The following SVIL variants were observed in gnomAD, a reference collection of about 807,000 sequenced individuals.
SVIL encodes the protein supervillin.
A neutral mutation model predicts 240.4 loss-of-function variants in SVIL; 101 were observed. That is an observed-to-expected ratio of 0.42 (90% confidence interval 0.36 to 0.50). The LOEUF is 0.50. SVIL is among the 20% of genes least tolerant of loss of function. The probability of loss-of-function intolerance (pLI) is 0.01; values close to 1 mark genes in which losing one functional copy is unlikely to be tolerated. For synonymous variants in SVIL, 999 were observed against 1,100.0 expected (o/e 0.91, Z 1.82); for missense variants, 2,512 against 2,818.7 (o/e 0.89, Z 2.46).
chr10:29,530,054 G>C (rs980246099), intron 11 of SVIL, among the ~76,000 whole-genome samples: 2 of 152,090 alleles, frequency 1.3e-5, no homozygotes, highest in Non-Finnish European at 2.9e-5. Context: ...CAGGCCTGTA[G>C]TCCCAGCTAC....
chr10:29,539,446 A>C (rs1257585786), intron 6 of SVIL, among the ~76,000 whole-genome samples: 1 of 152,194 alleles, frequency 6.6e-6, no homozygotes, highest in Non-Finnish European at 1.5e-5. Flanking sequence ...GTGATCTAGA[A>C]AAGCATTTCT....
rs1265951764 is a variant in SVIL at position 29,678,599 on chromosome 10, A to C, written c.-301+7954T>G. 2.0e-5 allele frequency among the ~76,000 whole-genome samples: 3 copies of C among 152,226 alleles called. No homozygotes were observed. The East Asian group carries it at 5.8e-4, about 29-fold the overall frequency. On this transcript the variant is annotated intron_variant, in intron 2 of 35. Transcript: ENST00000375400. Reference sequence around the variant, plus strand: ...GACCCTGCTCTAGAATCTTGCTAGAAACCCTGCATCTGTGAATGGCAGGTG... The same window carrying C: ...GACCCTGCTCTAGAATCTTGCTAGACACCCTGCATCTGTGAATGGCAGGTG...
rs1163685287 is a variant in SVIL, at chr10:29,462,298, G to A, written c.6381C>T (p.Asp2127=). 1 of 1,614,086 alleles carries A rather than the reference G, an allele frequency of 6.2e-7. No individual in the cohort carries two copies. Among genetic ancestry groups the A allele is most frequent in the Non-Finnish European group, 8.5e-7 (1 of 1,180,030 alleles). ...NMFPSWEHRE[D]IAEITEMDTE... is the part of the protein sequence containing the mutation. ...TCACCATCTCTGTGATCTCAGCGATGTCCTCTCTGTGCTCCCAGCTGGGAA... is the reference window on the plus strand; with the variant it reads ...TCACCATCTCTGTGATCTCAGCGATATCCTCTCTGTGCTCCCAGCTGGGAA... Residue 2127 remains aspartate (D), a synonymous_variant, in exon 36 of 38, where the codon GAC becomes GAT. Coordinates refer to ENST00000355867, the MANE Select transcript of SVIL (RefSeq NM_021738.3).
rs1951533143 is a variant in SVIL at position 29,533,562 on chromosome 10, G to C, written c.909-104C>G. 2.8e-6 allele frequency: 4 copies of C among 1,454,424 alleles called. No homozygotes were observed. In the South Asian group the frequency reaches 5.8e-5, roughly 21 times the overall value. The allele number at this position is 1,454,424 out of a possible 1,614,324, so 90.1% of individuals were successfully genotyped here. ...TACCAGTGAATGGAAACTGACCTGA[G>C]AGAGAATAACTTGTGAAAAAGCATT... On this transcript the variant is annotated intron_variant, in intron 7 of 37. Coordinates refer to ENST00000355867, the MANE Select transcript of SVIL (RefSeq NM_021738.3).
At chr10:29,561,202 A>C (rs1440505227) in intron 3 of SVIL, among the ~76,000 whole-genome samples, 3 of 152,142 alleles carry the variant, frequency 2.0e-5, no homozygotes, top group Non-Finnish European at 4.4e-5. Context: ...GAACACATAA[A>C]ATCGTCATCT....
At chr10:29,697,892 A>G in intron 1 of SVIL, 1 of 484,290 alleles carries the variant, frequency 2.1e-6, no homozygotes, top group Non-Finnish European at 3.6e-6. Flanking sequence ...TTCTAGGGAT[A>G]TAAATATTCA....
rs368391521 is a variant in SVIL at position 29,562,768 on chromosome 10, AG to A, written c.-51+432del. ...AGAGCGAGACTCCGTCTCAAAAAAA[AG>A]AAAAAAAAAAAAAAAAAAAAAAAAA... is the stretch of plus-strand genomic sequence containing the variant. On this transcript the variant is annotated intron_variant, in intron 3 of 37. Transcript: ENST00000355867. Among the ~76,000 whole-genome samples the A allele has an allele frequency of 6.3e-4, 59 of 93,054 alleles. 1 individual carries two copies. Among genetic ancestry groups the A allele is most frequent in the African/African-American group, 1.7e-3 (30 of 17,228 alleles). 61.0% of individuals were successfully genotyped at this position (93,054 alleles called of 152,430 possible). A position where few individuals can be genotyped will look rare whatever the true frequency, so the allele number is the denominator to read the frequency against.
chr10:29,657,964 C>CT (rs1564741382), intron 3 of SVIL: 1 of 152,192 alleles, frequency 6.6e-6, no homozygotes, highest in Non-Finnish European at 1.5e-5. Flanking sequence ...TTCCTCAATA[C>CT]TTACCTTAAC....
intron 1 of SVIL, among the ~76,000 whole-genome samples, chr10:29,624,352 A>G (rs1409039924): frequency 6.6e-6 from 1 of 152,118 alleles, no homozygotes. Context: ...AGCCTGGCCA[A>G]CATGGCGAAA....
chr10:29,697,114 G>C (rs1390749074), intron 1 of SVIL, among the ~76,000 whole-genome samples: 9 of 117,306 alleles, frequency 7.7e-5, no homozygotes, highest in Non-Finnish European at 1.2e-4. Context: ...CCCTCTGCCC[G>C]GCCAGCCGCT....
At chr10:29,504,706 G>A (rs971707334) in intron 17 of SVIL, among the ~76,000 whole-genome samples, 9 of 152,170 alleles carry the variant, frequency 5.9e-5, no homozygotes, top group South Asian at 2.1e-4. Context: ...CCAAATGCTG[G>A]CAAGGATATG....
At chr10:29,482,720 T>G (rs1246904371) in intron 27 of SVIL, 1 of 152,242 alleles carries the variant, frequency 6.6e-6, no homozygotes, top group Non-Finnish European at 1.5e-5. Flanking sequence ...GATTTCAAAA[T>G]TTACACTGTC....
intron 1 of SVIL, among the ~76,000 whole-genome samples, chr10:29,719,173 T>C (rs936117851): frequency 1.3e-5 from 2 of 152,126 alleles, no homozygotes; most frequent in Non-Finnish European, 2.9e-5. Flanking sequence ...CAGAAAGATG[T>C]TGCTTAACCC....
At chr10:29,668,145 T>C (rs561403650) in intron 2 of SVIL, among the ~76,000 whole-genome samples, 31 of 152,258 alleles carry the variant, frequency 2.0e-4, no homozygotes, top group African/African-American at 7.5e-4. Context: ...TTCTTAAAGC[T>C]ACCTCTGAGT....
intron 6 of SVIL, among the ~76,000 whole-genome samples, chr10:29,539,598 G>A (rs923799399): frequency 2.0e-5 from 3 of 152,192 alleles, no homozygotes; most frequent in African/African-American, 7.2e-5. Flanking sequence ...CCTGGGCGCT[G>A]TGTAGCAATG....
rs369532103 is a variant in SVIL, at chr10:29,701,000, C to T, written c.-399-14349G>A. Among the ~76,000 whole-genome samples the T allele has an allele frequency of 3.3e-5, 5 of 152,322 alleles. No individual in the cohort carries two copies. In the East Asian group the frequency reaches 9.7e-4, roughly 29 times the overall value. On this transcript the variant is annotated intron_variant, in intron 1 of 35. Coordinates refer to the SVIL transcript ENST00000375400. Reference sequence around the variant, plus strand: ...CCTTCCTCTCCACGCTCCAGCCCTGCCGCCTGTGTTTGAGCTGATGCAGGG... The same window carrying T: ...CCTTCCTCTCCACGCTCCAGCCCTGTCGCCTGTGTTTGAGCTGATGCAGGG...
In SVIL at chr10:29,527,175, G is replaced by A. The variant is rs548475216; in HGVS notation, c.2247-119C>T. 9.4e-6 allele frequency: 9 copies of A among 961,008 alleles called. No individual in the cohort carries two copies. The African/African-American group carries it at 1.5e-4, about 16-fold the overall frequency. 59.5% of individuals were successfully genotyped at this position (961,008 alleles called of 1,614,324 possible). On this transcript the variant is annotated intron_variant, in intron 12 of 37. Coordinates refer to ENST00000355867, the MANE Select transcript of SVIL (RefSeq NM_021738.3). ...ATCAAAAATTTTAACAGAATATTTTGCTAATTATTTTTGGGGAGAAAAAAT... is the reference window on the plus strand; with the variant it reads ...ATCAAAAATTTTAACAGAATATTTTACTAATTATTTTTGGGGAGAAAAAAT...
rs535084365 is a variant in SVIL, at chr10:29,599,796, A to T, written c.-200-30484T>A. Reference sequence around the variant, plus strand: ...TTCCCAACGGTCAGATAGACAGGATATGGGTGGCTCGCAGGGTGAATGGAA... The same window carrying T: ...TTCCCAACGGTCAGATAGACAGGATTTGGGTGGCTCGCAGGGTGAATGGAA... On this transcript the variant is annotated intron_variant, in intron 1 of 37. Coordinates refer to ENST00000355867, the MANE Select transcript of SVIL (RefSeq NM_021738.3). Among the ~76,000 whole-genome samples the T allele has an allele frequency of 7.2e-5, 11 of 152,224 alleles. No homozygotes were observed. In the East Asian group the frequency reaches 2.1e-3, roughly 29 times the overall value.
At chr10:29,618,086 G>A (rs529665031) in intron 1 of SVIL, among the ~76,000 whole-genome samples, 6 of 152,322 alleles carry the variant, frequency 3.9e-5, no homozygotes, top group African/African-American at 1.2e-4. Context: ...CACTGTGTAA[G>A]GAGCTTGCTG....
Sources: allele counts gnomAD v4.1 joint callset (sites outside exome capture counted in the v4.1 genomes callset), GRCh38; gene constraint gnomAD v4.1.1; transcripts MANE v1.5; gene names NCBI Gene and HGNC (gene_info 2026-07-23, HGNC 2026-07-21).